Variants in MEGF11 observed in about 807,000 individuals in gnomAD.
MEGF11 encodes multiple EGF like domains 11, also known as multiple epidermal growth factor-like domains protein 11.
In MEGF11, 126 loss-of-function variants were observed where a neutral mutation model predicts 146.6. That is an observed-to-expected ratio of 0.86 (90% CI 0.74 to 1.00). MEGF11 has a LOEUF of 1.00. Among genes scored for constraint, MEGF11 ranks in the 50% least tolerant of loss-of-function variants. The pLI, the probability that MEGF11 is intolerant of heterozygous loss-of-function variation, is 0.00. For synonymous variants in MEGF11, 532 were observed against 583.4 expected (o/e 0.91, Z 1.27); for missense variants, 1,509 against 1,521.2 (o/e 0.99, Z 0.13).
intron 1 of MEGF11, among the ~76,000 whole-genome samples, chr15:66,228,245 A>G (rs573560158): frequency 6.6e-6 from 1 of 152,174 alleles, no homozygotes; most frequent in South Asian, 2.1e-4. Context: ...AGAAAACACC[A>G]CACACAGAAA....
intron 1 of MEGF11, among the ~76,000 whole-genome samples, chr15:66,190,733 C>T (rs2090846610): frequency 6.6e-6 from 1 of 152,140 alleles, no homozygotes; most frequent in African/African-American, 2.4e-5. Flanking sequence ...CATTCACCCC[C>T]CACAGCACAC....
intron 2 of MEGF11, among the ~76,000 whole-genome samples, chr15:66,124,939 T>C (rs1157725799): frequency 6.6e-6 from 1 of 152,246 alleles, no homozygotes; most frequent in African/African-American, 2.4e-5. Flanking sequence ...AGGCTGGTAT[T>C]ATTCAGTGTT....
chr15:65,928,654 A>G, intron 12 of MEGF11, 127 bp from the exon 13 acceptor site: 1 of 543,664 alleles, frequency 1.8e-6, no homozygotes, highest in Non-Finnish European at 3.1e-6. Context: ...TCTTGATGAC[A>G]AAACTGAGCC....
rs147923252 is a variant in MEGF11, at chr15:66,008,468, T to C, written c.395-25980A>G. Among the ~76,000 whole-genome samples the C allele has an allele frequency of 4.8e-3, 728 of 151,870 alleles. 9 individuals are homozygous for C. The highest frequency in any genetic ancestry group is 0.017 in the African/African-American group (687 of 41,264). Reference sequence around the variant, plus strand: ...ACACACACAAAATTACAGCCTAGTCTAACTCCCTTCTTTTAAAGATGAGGA... The same window carrying C: ...ACACACACAAAATTACAGCCTAGTCCAACTCCCTTCTTTTAAAGATGAGGA... On this transcript the variant is annotated intron_variant, in intron 5 of 25. Transcript: ENST00000395614.
intron 5 of MEGF11, among the ~76,000 whole-genome samples, chr15:66,051,835 C>T (rs770028546): frequency 6.6e-6 from 1 of 152,200 alleles, no homozygotes; most frequent in Non-Finnish European, 1.5e-5. Flanking sequence ...ATTTAGACTC[C>T]AGAGAAAGCG....
chr15:66,127,630 T>C (rs1352439505), intron 2 of MEGF11, among the ~76,000 whole-genome samples: 3 of 152,082 alleles, frequency 2.0e-5, no homozygotes, highest in Non-Finnish European at 4.4e-5. Context: ...TTTAATTCGG[T>C]TTTTTCCTGA....
intron 5 of MEGF11, among the ~76,000 whole-genome samples, chr15:66,089,304 G>T (rs2086231757): frequency 6.6e-6 from 1 of 152,170 alleles, no homozygotes; most frequent in Admixed American, 6.5e-5. Context: ...GGGGAGTAGG[G>T]GAGCAATTCT....
intron 1 of MEGF11, among the ~76,000 whole-genome samples, chr15:66,172,456 G>A (rs1285712477): frequency 6.6e-6 from 1 of 152,202 alleles, no homozygotes; most frequent in Non-Finnish European, 1.5e-5. Context: ...AGCCAATGAG[G>A]AGCAGCAGCA....
At chr15:65,913,057 A>G (rs547769924) in intron 20 of MEGF11, among the ~76,000 whole-genome samples, 1 of 152,110 alleles carries the variant, frequency 6.6e-6, no homozygotes, top group African/African-American at 2.4e-5. Context: ...GAAGCAAAAA[A>G]CCTTTCGTAT....
At chr15:65,946,624 C>T (rs2080204459) in intron 10 of MEGF11, among the ~76,000 whole-genome samples, 1 of 152,214 alleles carries the variant, frequency 6.6e-6, no homozygotes, top group Non-Finnish European at 1.5e-5. Flanking sequence ...AACTCCTGAG[C>T]TCAGGTGATC....
chr15:66,080,529 G>A (rs1055633520), intron 5 of MEGF11, among the ~76,000 whole-genome samples: 1 of 152,140 alleles, frequency 6.6e-6, no homozygotes, highest in Non-Finnish European at 1.5e-5. Context: ...TTGGAAGATG[G>A]AGGCTATGCT....
chr15:66,247,823 G>A (rs183699550), intron 1 of MEGF11, among the ~76,000 whole-genome samples: 133 of 152,242 alleles, frequency 8.7e-4, no homozygotes, highest in African/African-American at 3.0e-3. Flanking sequence ...GATCACCTGA[G>A]GTTGGGAGTT....
intron 1 of MEGF11, among the ~76,000 whole-genome samples, chr15:66,151,472 TC>T (rs1344450893): frequency 6.6e-6 from 1 of 152,052 alleles, no homozygotes; most frequent in Non-Finnish European, 1.5e-5. Context: ...CACGGACAGA[TC>T]CCTCCCCATC....
Position 65,897,871 on chromosome 15 carries a change from A to T in MEGF11, c.*63T>A. The T allele has an allele frequency of 1.3e-6, 2 of 1,493,830 alleles. No homozygotes were observed. Among genetic ancestry groups the T allele is most frequent in the South Asian group, 2.5e-5 (2 of 80,216 alleles). The allele number at this position is 1,493,830 out of a possible 1,614,324, so 92.5% of individuals were successfully genotyped here. A position where few individuals can be genotyped will look rare whatever the true frequency, so the allele number is the denominator to read the frequency against. On this transcript the variant is annotated 3_prime_UTR_variant, in exon 26 of 26. Coordinates refer to ENST00000395614, the MANE Select transcript of MEGF11 (RefSeq NM_001385028.1). ...CTGTACCATTACTTCAAGTCAAGGGACTGTCTTCTTTCAGAGTCAGAATAT... is the reference window on the plus strand; with the variant it reads ...CTGTACCATTACTTCAAGTCAAGGGTCTGTCTTCTTTCAGAGTCAGAATAT...
chr15:66,043,215 T>G (rs1218133534), intron 5 of MEGF11, among the ~76,000 whole-genome samples: 1 of 152,246 alleles, frequency 6.6e-6, no homozygotes, highest in Non-Finnish European at 1.5e-5. Context: ...TAGTAGGTAT[T>G]CAACAGTGGT....
intron 5 of MEGF11, among the ~76,000 whole-genome samples, chr15:66,050,859 TTGCCGGGCCATTTCAGAGGCTGGCAC>T (rs1047304873): frequency 6.6e-6 from 1 of 152,234 alleles, no homozygotes; most frequent in African/African-American, 2.4e-5. Flanking sequence ...CACCCTGGGA[TTGCCGGGCCATTTCAGAGGCTGGCAC>T]TGCCCTCTGG....
At chr15:66,010,838 T>G (rs1408831096) in intron 5 of MEGF11, among the ~76,000 whole-genome samples, 6 of 152,160 alleles carry the variant, frequency 3.9e-5, no homozygotes, top group African/African-American at 1.4e-4. Flanking sequence ...CCAGTCCATG[T>G]GGGCAGCATG....
At chr15:65,962,061 G>A (rs1447891655) in intron 9 of MEGF11, among the ~76,000 whole-genome samples, 1 of 152,190 alleles carries the variant, frequency 6.6e-6, no homozygotes, top group Non-Finnish European at 1.5e-5. Context: ...GACAGAGATA[G>A]GTTTGAGGGC....
intron 4 of MEGF11, among the ~76,000 whole-genome samples, chr15:66,100,682 T>G (rs1272721249): frequency 6.6e-6 from 1 of 152,168 alleles, no homozygotes; most frequent in African/African-American, 2.4e-5. Flanking sequence ...AAGTCATTCA[T>G]TCCTCTGAGC....
Sources: gnomAD v4.1 joint callset for allele counts (sites outside exome capture counted in the v4.1 genomes callset) on GRCh38, gnomAD v4.1.1 for gene constraint, MANE v1.5 for transcripts, NCBI Gene and HGNC (gene_info 2026-07-23, HGNC 2026-07-21) for gene names.